The following GAD2 variants were observed in gnomAD, a reference collection of about 807,000 sequenced individuals.
GAD2 encodes 65 kDa glutamic acid decarboxylase.
A neutral mutation model predicts 80.1 loss-of-function variants in GAD2; 22 were observed. The ratio of observed to expected loss-of-function variants is 0.27; its 90% CI spans 0.20 to 0.39. The LOEUF is 0.39. Among genes scored for constraint, GAD2 ranks in the 10% least tolerant of loss-of-function variants. The pLI is 1.00. For missense variants in GAD2, 624 were observed against 738.4 expected, an observed-to-expected ratio of 0.85 and a Z score of 1.80; for synonymous variants, 274 against 256.9, an observed-to-expected ratio of 1.07 and a Z score of -0.64.
At chr10:26,220,322 A>G (rs1023543988) in intron 4 of GAD2, among the ~76,000 whole-genome samples, 4 of 152,240 alleles carry the variant, frequency 2.6e-5, no homozygotes, top group Non-Finnish European at 4.4e-5. Flanking sequence ...TAGAAACGTC[A>G]TCTTTTTAGA....
At chr10:26,248,628 G>A (rs1028431074) in intron 8 of GAD2, among the ~76,000 whole-genome samples, 3 of 152,164 alleles carry the variant, frequency 2.0e-5, no homozygotes, top group African/African-American at 7.2e-5. Context: ...AATTTCCCTT[G>A]AAGGAACTCG....
At chr10:26,236,464 C>A (rs928503151) in intron 7 of GAD2, among the ~76,000 whole-genome samples, 1 of 152,064 alleles carries the variant, frequency 6.6e-6, no homozygotes. Context: ...CCACACCCGG[C>A]TAAGTTCTGT....
chr10:26,220,776 T>A (rs1034928451), intron 4 of GAD2, among the ~76,000 whole-genome samples: 1 of 152,250 alleles, frequency 6.6e-6, no homozygotes, highest in Admixed American at 6.5e-5. Flanking sequence ...ATGTTTTGTG[T>A]CTTCATCCTT....
At chr10:26,221,999 T>G (rs557665162) in intron 4 of GAD2, among the ~76,000 whole-genome samples, 1 of 152,198 alleles carries the variant, frequency 6.6e-6, no homozygotes, top group Non-Finnish European at 1.5e-5. Flanking sequence ...GGAGCAAATG[T>G]CACTAGGGGA....
chr10:26,279,647 A>G (rs1157827316), intron 11 of GAD2, among the ~76,000 whole-genome samples: 1 of 152,200 alleles, frequency 6.6e-6, no homozygotes, highest in Admixed American at 6.5e-5. Context: ...TTAAAATAAT[A>G]ATTATTATTA....
Position 26,219,929 on chromosome 10 carries a change from A to AG in GAD2, c.520+660dup, listed in dbSNP as rs934664544. Among the ~76,000 whole-genome samples the AG allele has an allele frequency of 7.9e-4, 120 of 152,234 alleles. 1 individual carries two copies. Among genetic ancestry groups the AG allele is most frequent in the African/African-American group, 2.8e-3 (117 of 41,552 alleles). ...CACTGTATATGTGAGATAAAGAAAA[A>AG]GGGGGGGAGGGGCAAATCAGATATC... On this transcript the variant is annotated intron_variant, in intron 4 of 15. Transcript: ENST00000376261.
intron 9 of GAD2, among the ~76,000 whole-genome samples, chr10:26,269,710 G>A (rs1005902801): frequency 6.6e-6 from 1 of 152,190 alleles, no homozygotes; most frequent in Non-Finnish European, 1.5e-5. Context: ...TCACAAATCA[G>A]AGAATTTGTT....
chr10:26,266,606 A>T (rs1284216078), intron 8 of GAD2, among the ~76,000 whole-genome samples: 1 of 152,218 alleles, frequency 6.6e-6, no homozygotes, highest in African/African-American at 2.4e-5. Flanking sequence ...TGGAAGGCAG[A>T]GTGCCCAGGA....
rs111836424 is a variant in GAD2 at position 26,300,964 on chromosome 10, A to C, written c.*3A>C. ...AACGCCTTGGACAAGATTTATAATA[A>C]CCTTGCTCACCAAGCTGTTCCACTT... On this transcript the variant is annotated 3_prime_UTR_variant, in exon 16 of 16. Coordinates refer to ENST00000376261, the MANE Select transcript of GAD2 (RefSeq NM_001134366.2). The C allele has an allele frequency of 5.4e-4, 867 of 1,611,750 alleles. 2 individuals are homozygous for C. The highest frequency in any genetic ancestry group is 6.7e-4 in the Non-Finnish European group (795 of 1,178,056).
At chr10:26,216,711 C>T (rs1589134834), upstream of GAD2, 4 of 977,580 alleles carry the variant, frequency 4.1e-6, no homozygotes, top group East Asian at 1.2e-4. The surrounding 1 kb of genome is among the most constrained non-coding windows in gnomAD (Gnocchi z 4.7). Flanking sequence ...CGGTGCCCTC[C>T]TCCCGCCACA....
chr10:26,225,211 A>G lies in GAD2; in HGVS notation c.724+560A>G, dbSNP rs1844505361. Among the ~76,000 whole-genome samples, 7 of 152,094 alleles carry G rather than the reference A, an allele frequency of 4.6e-5. 1 individual carries two copies. Among genetic ancestry groups the G allele is most frequent in the Admixed American group, 4.6e-4 (7 of 15,280 alleles). ...TAGAGGGTGACGATTTCTTCAAGAGATTTCTCATCCCTTCTCTTCTTTATC... is the reference window on the plus strand; with the variant it reads ...TAGAGGGTGACGATTTCTTCAAGAGGTTTCTCATCCCTTCTCTTCTTTATC... On this transcript the variant is annotated intron_variant, in intron 6 of 15. Coordinates refer to ENST00000376261, the MANE Select transcript of GAD2 (RefSeq NM_001134366.2).
At chr10:26,267,828 T>G (rs1049193207) in intron 8 of GAD2, among the ~76,000 whole-genome samples, 1 of 152,080 alleles carries the variant, frequency 6.6e-6, no homozygotes, top group African/African-American at 2.4e-5. Context: ...ATGCCCAAAT[T>G]ATTTTTTTAA....
chr10:26,245,405 G>A (rs1435786793), intron 7 of GAD2, among the ~76,000 whole-genome samples: 2 of 150,924 alleles, frequency 1.3e-5, no homozygotes, highest in East Asian at 1.9e-4. Flanking sequence ...AAATAAAAAC[G>A]GTTAAGATGG....
At chr10:26,230,670 G>A (rs8190639) in intron 7 of GAD2, among the ~76,000 whole-genome samples, 16,149 of 151,996 alleles carry the variant, frequency 0.11, 1,045 homozygotes, top group African/African-American at 0.17. Context: ...CCTGGCCTCA[G>A]GTGATCCTTC....
chr10:26,251,962 A>C (rs986926921), intron 8 of GAD2, among the ~76,000 whole-genome samples: 4 of 152,232 alleles, frequency 2.6e-5, no homozygotes, highest in African/African-American at 9.6e-5. Flanking sequence ...TGGGGTCAGA[A>C]TCAATTAAAA....
At chr10:26,221,207 T>A (rs563653361) in intron 4 of GAD2, among the ~76,000 whole-genome samples, 1 of 152,350 alleles carries the variant, frequency 6.6e-6, no homozygotes, top group South Asian at 2.1e-4. Flanking sequence ...TTAGTTACCA[T>A]CCTTGCTACT....
At chr10:26,233,218 C>T (rs1029180249) in intron 7 of GAD2, among the ~76,000 whole-genome samples, 32 of 152,142 alleles carry the variant, frequency 2.1e-4, no homozygotes, top group Admixed American at 1.3e-4. Flanking sequence ...CTCCATGCAC[C>T]GACTACCACT....
chr10:26,255,534 A>G (rs1313785210), intron 8 of GAD2, among the ~76,000 whole-genome samples: 1 of 148,430 alleles, frequency 6.7e-6, no homozygotes, highest in Non-Finnish European at 1.5e-5. Context: ...TTTAAAGGAG[A>G]GGGGCTTACT....
chr10:26,265,098 C>T (rs1478068779), intron 8 of GAD2, among the ~76,000 whole-genome samples: 2 of 152,124 alleles, frequency 1.3e-5, no homozygotes. Flanking sequence ...CTTTTTGCTT[C>T]TTCCCACAAA....
Sources: allele counts gnomAD v4.1 joint callset (sites outside exome capture counted in the v4.1 genomes callset), GRCh38; gene constraint gnomAD v4.1.1; non-coding constraint Gnocchi (gnomAD v3.1); transcripts MANE v1.5; gene names NCBI Gene and HGNC (gene_info 2026-07-23, HGNC 2026-07-21).